TXNL4A: variants seen among roughly 807,000 people sequenced by gnomAD.
TXNL4A encodes the protein thioredoxin-like protein 4A.
Under a neutral mutation model 14.6 loss-of-function variants are expected in TXNL4A, and 17 were observed. That is an observed-to-expected ratio of 1.16 (90% confidence interval 0.80 to 1.74). The LOEUF (loss-of-function observed/expected upper bound fraction) is 1.74, where lower values mean the gene tolerates loss of function less well. Among genes scored for constraint, TXNL4A ranks in the 40% most tolerant of loss-of-function variants. The pLI, the probability that TXNL4A is intolerant of heterozygous loss-of-function variation, is 0.00. For missense variants in TXNL4A, 74 were observed against 195.2 expected (o/e 0.38, Z 3.70); for synonymous variants, 83 against 70.6 (o/e 1.18, Z -0.88).
intron 1 of TXNL4A, among the ~76,000 whole-genome samples, chr18:80,017,456 T>C (rs1226884510): frequency 6.6e-6 from 1 of 151,950 alleles, no homozygotes; most frequent in Non-Finnish European, 1.5e-5. Flanking sequence ...TCAAAGGGAA[T>C]GCTTCCAGTT....
intron 1 of TXNL4A, among the ~76,000 whole-genome samples, chr18:80,010,609 A>C (rs2051763443): frequency 6.6e-6 from 1 of 152,244 alleles, no homozygotes. Context: ...TCTTCCTGGG[A>C]GCCCACTGTC....
At chr18:79,981,387 C>T (rs1329463404) in intron 1 of TXNL4A, among the ~76,000 whole-genome samples, 1 of 152,170 alleles carries the variant, frequency 6.6e-6, no homozygotes, top group Non-Finnish European at 1.5e-5. Flanking sequence ...AAACAGAGTG[C>T]AGGGCCAGGT....
At position 79,988,497 on chromosome 18, in the gene TXNL4A, C is replaced by G; in HGVS notation, c.-105G>C. On this transcript the variant is annotated 5_prime_UTR_variant, in exon 1 of 3. Transcript: ENST00000269601. ...CCCCGGCCCCCGCCGCCCCCGGGCC[C>G]ACGGACGAAATCCGGTCCCGCCCGC... 8.3e-7 allele frequency: 1 copy of G among 1,208,514 alleles called. No individual in the cohort carries two copies. 74.9% of individuals were successfully genotyped at this position (1,208,514 alleles called of 1,614,324 possible).
chr18:79,991,085 G>T (rs1227321327), upstream of TXNL4A, among the ~76,000 whole-genome samples: 4 of 146,428 alleles, frequency 2.7e-5, no homozygotes, highest in African/African-American at 1.1e-4. Context: ...TCCAGCCTGG[G>T]CGACAGAGCC....
rs904305145 is a variant in TXNL4A, at chr18:79,994,276, C to T, written c.-60-16575G>A. Among the ~76,000 whole-genome samples the T allele has an allele frequency of 7.2e-5, 11 of 151,922 alleles. No homozygotes were observed. The East Asian group carries it at 1.9e-3, about 27-fold the overall frequency. On this transcript the variant is annotated intron_variant, in intron 1 of 2. Transcript: ENST00000585474. ...TGTACCCGCGAACCAGAATGGAAAA[C>T]GCGGGCACAAAAACTAAGAAACCGG...
At chr18:80,017,617 T>TA (rs1462921357) in intron 1 of TXNL4A, among the ~76,000 whole-genome samples, 1 of 151,822 alleles carries the variant, frequency 6.6e-6, no homozygotes, top group Non-Finnish European at 1.5e-5. Context: ...TGTATTGAGA[T>TA]AATCATGTGG....
chr18:80,009,137 A>G (rs2051752721), intron 1 of TXNL4A, among the ~76,000 whole-genome samples: 1 of 152,306 alleles, frequency 6.6e-6, no homozygotes, highest in South Asian at 2.1e-4. Flanking sequence ...ACAATCCTGT[A>G]TTTAGAGCCT....
intron 1 of TXNL4A, among the ~76,000 whole-genome samples, chr18:80,004,444 G>T (rs55705088): frequency 0.024 from 3,652 of 152,298 alleles, 144 homozygotes; most frequent in African/African-American, 0.083. Context: ...CCAGAAACCT[G>T]AAGCAGGCAC....
At chr18:79,995,841 G>A (rs547654372) in intron 1 of TXNL4A, among the ~76,000 whole-genome samples, 4 of 152,226 alleles carry the variant, frequency 2.6e-5, no homozygotes, top group Admixed American at 6.5e-5. Flanking sequence ...GGTGGCTCAC[G>A]CCTGTAATCC....
At chr18:79,995,633 A>G (rs1289607857) in intron 1 of TXNL4A, among the ~76,000 whole-genome samples, 2 of 152,220 alleles carry the variant, frequency 1.3e-5, no homozygotes, top group East Asian at 3.8e-4. Flanking sequence ...GCCAGAACTA[A>G]TGAACTAGTT....
At chr18:80,002,496 AGGCC>A (rs1408500215) in intron 1 of TXNL4A, among the ~76,000 whole-genome samples, 1 of 152,208 alleles carries the variant, frequency 6.6e-6, no homozygotes. Context: ...CATGTAGAAA[AGGCC>A]GTGTCCCTCA....
intron 1 of TXNL4A, among the ~76,000 whole-genome samples, chr18:80,009,942 C>T (rs946364639): frequency 1.3e-4 from 20 of 152,134 alleles, no homozygotes; most frequent in Admixed American, 3.9e-4. Flanking sequence ...ACCATTTTGC[C>T]TCTTGGTGCC....
chr18:79,977,714 T>TG lies in TXNL4A; in HGVS notation c.154-14_154-13insC. Reference sequence around the variant, plus strand: ...CAAAATTTTTAACCTAAAAGGAGATTAAAAAAAAAAACTGAAATAACAGAA... The same window carrying TG: ...CAAAATTTTTAACCTAAAAGGAGATTGAAAAAAAAAAACTGAAATAACAGAA... On this transcript the variant is annotated splice_polypyrimidine_tract_variant and intron_variant, in intron 1 of 2. Coordinates refer to ENST00000269601, the MANE Select transcript of TXNL4A (RefSeq NM_006701.5). 1 of 1,210,996 alleles carries TG rather than the reference T, an allele frequency of 8.3e-7. No individual in the cohort carries two copies. Among genetic ancestry groups the TG allele is most frequent in the Non-Finnish European group, 1.1e-6 (1 of 879,194 alleles). The allele number at this position is 1,210,996 out of a possible 1,614,324, so 75.0% of individuals were successfully genotyped here.
chr18:79,977,671 C>T lies in TXNL4A; in HGVS notation c.184G>A (p.Asp62Asn), dbSNP rs759569966. Residue 62 changes from aspartate to asparagine, a missense_variant, in exon 2 of 3, where the codon GAT becomes AAT. By Grantham distance (23) the Asp-to-Asn change is conservative (BLOSUM62 1). Transcript: ENST00000269601. ...VKNFAVIYLV[D>N]ITEVPDFNKM... ...TTGAAGTCAGGCACTTCTGTAATAT[C>T]CACAAGATAAATAACTGCAAAATTT... is the stretch of plus-strand genomic sequence containing the variant. 1 of 1,610,462 alleles carries T rather than the reference C, an allele frequency of 6.2e-7. No individual in the cohort carries two copies. Among genetic ancestry groups the T allele is most frequent in the Non-Finnish European group, 8.5e-7 (1 of 1,178,514 alleles).
At chr18:79,974,003 CAGG>C (rs1460551176) in intron 2 of TXNL4A, 147 bp from the exon 3 acceptor site, 1 of 1,026,130 alleles carries the variant, frequency 9.7e-7, no homozygotes, top group African/African-American at 1.6e-5. Flanking sequence ...TGCCATGATG[CAGG>C]AGAATACAGG....
At chr18:79,980,192 G>T (rs1190717739) in intron 1 of TXNL4A, among the ~76,000 whole-genome samples, 1 of 152,158 alleles carries the variant, frequency 6.6e-6, no homozygotes, top group Non-Finnish European at 1.5e-5. Flanking sequence ...ACCAGAAGCT[G>T]GGAGAAGCAT....
chr18:79,978,363 C>T (rs2145060928), intron 1 of TXNL4A, among the ~76,000 whole-genome samples: 1 of 152,266 alleles, frequency 6.6e-6, no homozygotes, highest in East Asian at 1.9e-4. Flanking sequence ...TTAATAGTAC[C>T]TCCAATAATA....
intron 1 of TXNL4A, among the ~76,000 whole-genome samples, chr18:80,013,093 C>CA (rs2051781957): frequency 1.4e-5 from 2 of 142,528 alleles, no homozygotes; most frequent in Non-Finnish European, 3.1e-5. Flanking sequence ...AGAGAGAGAA[C>CA]AAAAAAAATT....
rs976827441 is a variant in TXNL4A at position 80,011,922 on chromosome 18, T to C, written c.-61+21929A>G. ...ACAGAAACCGAGACTGCTAAACATC[T>C]TATTGAGTGACTAACGAGTTCTCCT... On this transcript the variant is annotated intron_variant, in intron 1 of 2. Transcript: ENST00000585474. This position sits in a 1 kb window ranked among gnomAD's most constrained non-coding sequence, Gnocchi z 4.1. 6.6e-6 allele frequency among the ~76,000 whole-genome samples: 1 copy of C among 152,194 alleles called. No individual in the cohort carries two copies. Among genetic ancestry groups the C allele is most frequent in the African/African-American group, 2.4e-5 (1 of 41,450 alleles).
Sources: gnomAD v4.1 joint callset for allele counts (sites outside exome capture counted in the v4.1 genomes callset) on GRCh38, gnomAD v4.1.1 for gene constraint, Gnocchi (gnomAD v3.1) non-coding constraint, MANE v1.5 for transcripts, NCBI Gene and HGNC (gene_info 2026-07-23, HGNC 2026-07-21) for gene names.